Variants in ERN1 observed in about 807,000 individuals in gnomAD.
The protein encoded by ERN1 is endoplasmic reticulum to nucleus signaling 1.
Under a neutral mutation model 113.1 loss-of-function variants are expected in ERN1, and 39 were observed. The ratio of observed to expected loss-of-function variants is 0.34; its 90% CI spans 0.27 to 0.45. ERN1 has a LOEUF of 0.45. ERN1 is among the 20% of genes least tolerant of loss of function. The pLI is 1.00. For synonymous variants in ERN1, 507 were observed against 515.9 expected (o/e 0.98, Z 0.23); for missense variants, 976 against 1,274.8 (o/e 0.77, Z 3.57).
intron 4 of ERN1, among the ~76,000 whole-genome samples, chr17:64,075,552 C>T (rs1258577015): frequency 6.6e-6 from 1 of 152,154 alleles, no homozygotes; most frequent in Non-Finnish European, 1.5e-5. Context: ...CTCACCTCAG[C>T]CTCCCAAGTA....
chr17:64,054,544 G>T lies in ERN1; in HGVS notation c.1764-105C>A. ...CATTCACCTACTGCCTCCCAGCCTA[G>T]AGAGCCCCGCCTGACTGCCTGGTGG... On this transcript the variant is annotated intron_variant, in intron 14 of 21. Transcript: ENST00000433197. This position sits in a 1 kb window ranked among gnomAD's most constrained non-coding sequence, Gnocchi z 4.9. 8.2e-7 allele frequency: 1 copy of T among 1,217,488 alleles called. No homozygotes were observed. The highest frequency in any genetic ancestry group is 2.6e-5 in the East Asian group (1 of 39,048). The allele number at this position is 1,217,488 out of a possible 1,614,324, so 75.4% of individuals were successfully genotyped here.
intron 6 of ERN1, 139 bp downstream of exon 6, chr17:64,071,842 C>T (rs1913429939): frequency 4.5e-6 from 4 of 881,222 alleles, no homozygotes; most frequent in Admixed American, 2.5e-5. Flanking sequence ...ACTGAAGGGT[C>T]TTATAAAGGA....
chr17:64,092,081 C>T (rs571665123), intron 2 of ERN1, among the ~76,000 whole-genome samples: 76 of 152,006 alleles, frequency 5.0e-4, no homozygotes, highest in African/African-American at 1.7e-3. Context: ...GATGAGTGAA[C>T]GAGAGGGCTA....
Position 64,055,875 on chromosome 17 carries a change from T to C in ERN1, c.1472A>G (p.Gln491Arg). Reference protein sequence around the residue: ...KELEKIQLLQQQQQQLPFHPP... With the variant: ...KELEKIQLLQRQQQQLPFHPP... ...GTGGAAGGGCAGCTGCTGCTGCTGC[T>C]GCTGCAGGAGCTGGATCTTCTCCAG... is the stretch of plus-strand genomic sequence containing the variant. The change falls in exon 13 of 22, where the codon CAG becomes CGG. Residue 491 changes from glutamine to arginine, a missense_variant. By Grantham distance (43) the Gln-to-Arg change is conservative. Coordinates refer to ENST00000433197, the MANE Select transcript of ERN1 (RefSeq NM_001433.5). 6.4e-7 allele frequency: 1 copy of C among 1,551,260 alleles called. No homozygotes were observed. Among genetic ancestry groups the C allele is most frequent in the Non-Finnish European group, 8.7e-7 (1 of 1,146,892 alleles).
intron 18 of ERN1, 118 bp from the exon 19 acceptor site, chr17:64,048,103 C>T (rs2143321006): frequency 1.0e-6 from 1 of 960,874 alleles, no homozygotes; most frequent in Admixed American, 3.0e-5. Flanking sequence ...GGAATTTATT[C>T]CAATAAAATA....
chr17:64,127,097 AT>A (rs1915100944), intron 1 of ERN1, among the ~76,000 whole-genome samples: 1 of 152,202 alleles, frequency 6.6e-6, no homozygotes, highest in South Asian at 2.1e-4. Flanking sequence ...AAATAAGCAC[AT>A]TCTGGATTAA....
chr17:64,098,418 T>C (rs984395176), intron 1 of ERN1, 177 bp from the exon 2 acceptor site: 1 of 799,368 alleles, frequency 1.3e-6, no homozygotes, highest in African/African-American at 1.7e-5. Flanking sequence ...CCAGGTCACC[T>C]CACTCTAAGC....
Position 64,055,674 on chromosome 17 carries a change from C to T in ERN1, c.1672+1G>A, listed in dbSNP as rs571586872. ...AGCACCAAGATGGCAACTGGCTTTA[C>T]CTCCATCGTCTTGTTCCAGGGAGGG... On this transcript the variant is annotated splice_donor_variant, in intron 13 of 21. Transcript: ENST00000433197. LOFTEE classifies it high-confidence loss of function. The T allele has an allele frequency of 6.4e-7, 1 of 1,572,116 alleles. No homozygotes were observed. The highest frequency in any genetic ancestry group is 8.6e-7 in the Non-Finnish European group (1 of 1,159,784).
intron 2 of ERN1, among the ~76,000 whole-genome samples, chr17:64,089,421 G>A (rs1914027777): frequency 6.6e-6 from 1 of 151,634 alleles, no homozygotes; most frequent in South Asian, 2.1e-4. Flanking sequence ...TGAAGCCTGA[G>A]CGCCAACGTG....
Position 64,047,981 on chromosome 17 carries a change from G to A in ERN1, c.2406C>T (p.Asp802=), listed in dbSNP as rs374453723. ...LDCLHPEKHE[D]VIARELIEKM... ...TCTCTATCAATTCACGTGCAATGACGTCTTCTATAAAGGAGGAAAATAAGC... is the reference window on the plus strand; with the variant it reads ...TCTCTATCAATTCACGTGCAATGACATCTTCTATAAAGGAGGAAAATAAGC... Residue 802 remains aspartate (D), a synonymous_variant, in exon 19 of 22, where the codon GAC becomes GAT. Transcript: ENST00000433197. 95 of 1,610,516 alleles carry A rather than the reference G, an allele frequency of 5.9e-5. No individual in the cohort carries two copies. Among genetic ancestry groups the A allele is most frequent in the Non-Finnish European group, 7.8e-5 (92 of 1,177,790 alleles).
intron 1 of ERN1, among the ~76,000 whole-genome samples, chr17:64,099,457 C>T (rs1041939495): frequency 1.3e-5 from 2 of 151,886 alleles, no homozygotes; most frequent in Admixed American, 1.3e-4. Flanking sequence ...AGCAACCCCA[C>T]CCTTGTAATG....
Position 64,066,876 on chromosome 17 carries a change from A to G in ERN1, c.637T>C (p.Ser213Pro), listed in dbSNP as rs779534936. 6.2e-7 allele frequency: 1 copy of G among 1,613,868 alleles called. No individual in the cohort carries two copies. The highest frequency in any genetic ancestry group is 8.5e-7 in the Non-Finnish European group (1 of 1,179,856). ...DGLVVTVDSESGDVLWIQNYA... is the reference protein window; with the variant it reads ...DGLVVTVDSEPGDVLWIQNYA... ...TTTTGGATCCACAGGACGTCCCCAG[A>G]TTCACTGTCCACAGTCACCACCAGC... Residue 213 changes from serine to proline, a missense_variant, in exon 8 of 22, where the codon TCT becomes CCT. Transcript: ENST00000433197.
chr17:64,099,863 C>T (rs1028614162), intron 1 of ERN1, among the ~76,000 whole-genome samples: 6 of 152,184 alleles, frequency 3.9e-5, no homozygotes, highest in Non-Finnish European at 5.9e-5. Context: ...CACCTCTTCG[C>T]TTTGCCCAGG....
intron 1 of ERN1, 194 bp downstream of exon 1, chr17:64,129,782 C>G (rs1237974040): frequency 4.5e-6 from 2 of 441,928 alleles, no homozygotes; most frequent in Non-Finnish European, 7.5e-6. Context: ...GCCGCGACTC[C>G]CGTCAGGGAA....
At chr17:64,109,914 T>C (rs1914629383) in intron 1 of ERN1, among the ~76,000 whole-genome samples, 1 of 152,212 alleles carries the variant, frequency 6.6e-6, no homozygotes, top group Non-Finnish European at 1.5e-5. Context: ...TGAATCCTGC[T>C]GGGGTAGATG....
At chr17:64,097,841 C>G (rs562342743) in intron 2 of ERN1, 17 of 347,908 alleles carry the variant, frequency 4.9e-5, no homozygotes, top group Non-Finnish European at 9.0e-5. Flanking sequence ...CTAGCTAGAG[C>G]TATTAATAGA....
At chr17:64,083,802 T>A (rs1211205069) in intron 2 of ERN1, among the ~76,000 whole-genome samples, 2 of 152,178 alleles carry the variant, frequency 1.3e-5, no homozygotes, top group Non-Finnish European at 1.5e-5. Context: ...GGAACTGACA[T>A]CCTGGGTGAG....
At chr17:64,110,566 G>A (rs1046389184) in intron 1 of ERN1, among the ~76,000 whole-genome samples, 2 of 152,268 alleles carry the variant, frequency 1.3e-5, no homozygotes, top group Non-Finnish European at 1.5e-5. Flanking sequence ...AAGGAAACGC[G>A]CATTACTGAT....
intron 17 of ERN1, among the ~76,000 whole-genome samples, chr17:64,051,738 C>A (rs1912690982): frequency 6.6e-6 from 1 of 152,168 alleles, no homozygotes; most frequent in Admixed American, 6.5e-5. Context: ...CTGATTCCAT[C>A]CTGGTATATA....
Sources: allele counts gnomAD v4.1 joint callset (sites outside exome capture counted in the v4.1 genomes callset), GRCh38; gene constraint gnomAD v4.1.1; non-coding constraint Gnocchi (gnomAD v3.1); transcripts MANE v1.5; gene names NCBI Gene and HGNC (gene_info 2026-07-23, HGNC 2026-07-21).